Variants in PDGFC observed in about 807,000 individuals in gnomAD.
PDGFC encodes the protein platelet-derived growth factor C.
In PDGFC, 12 loss-of-function variants were observed where a neutral mutation model predicts 35.5. The ratio of observed to expected loss-of-function variants is 0.34; its 90% CI spans 0.22 to 0.55. The LOEUF (loss-of-function observed/expected upper bound fraction) is 0.55. Ranked by LOEUF, PDGFC falls within the 20% of genes least tolerant of loss-of-function variation. The pLI is 0.91. For synonymous variants in PDGFC, 159 were observed against 148.8 expected (o/e 1.07, Z -0.50); for missense variants, 322 against 412.4 (o/e 0.78, Z 1.90).
chr4:156,859,036 A>C (rs1316168576), intron 1 of PDGFC, among the ~76,000 whole-genome samples: 1 of 152,080 alleles, frequency 6.6e-6, no homozygotes, highest in Admixed American at 6.6e-5. Context: ...AGTAACAACA[A>C]AAAGATAACC....
At chr4:156,891,399 G>GT (rs1024410791) in intron 1 of PDGFC, among the ~76,000 whole-genome samples, 31 of 144,126 alleles carry the variant, frequency 2.2e-4, no homozygotes, top group African/African-American at 7.8e-4. Context: ...CCAAAATGTT[G>GT]TTTTGCAGCA....
intron 2 of PDGFC, among the ~76,000 whole-genome samples, chr4:156,824,433 C>T (rs1356795247): frequency 6.6e-6 from 1 of 150,956 alleles, no homozygotes; most frequent in Non-Finnish European, 1.5e-5. Flanking sequence ...TATATATACA[C>T]GTTTACCATA....
intron 2 of PDGFC, among the ~76,000 whole-genome samples, chr4:156,825,011 A>G (rs913077770): frequency 1.3e-5 from 2 of 152,220 alleles, no homozygotes; most frequent in African/African-American, 4.8e-5. Context: ...CAACTAAATC[A>G]CCGCATTATT....
intron 1 of PDGFC, among the ~76,000 whole-genome samples, chr4:156,953,969 T>G (rs896498363): frequency 6.6e-6 from 1 of 151,942 alleles, no homozygotes; most frequent in African/African-American, 2.4e-5. Flanking sequence ...TTAAGACAAT[T>G]CACTCTGCCT....
rs567453368 is a variant in PDGFC at position 156,766,910 on chromosome 4, G to A, written c.921+863C>T. On this transcript the variant is annotated intron_variant, in intron 5 of 5. Transcript: ENST00000502773. ...ATTTCACTGAAATCTTGATGCATAT[G>A]AAAAATCATTTTATTTATTAGTTAG... Among the ~76,000 whole-genome samples the A allele has an allele frequency of 2.0e-5, 3 of 152,146 alleles. No homozygotes were observed. In the East Asian group the frequency reaches 5.8e-4, roughly 29 times the overall value.
intron 2 of PDGFC, among the ~76,000 whole-genome samples, chr4:156,822,163 T>C (rs537337655): frequency 6.6e-6 from 1 of 151,714 alleles, no homozygotes; most frequent in Admixed American, 6.6e-5. Context: ...ATCGAGACCA[T>C]CCTGGCTAAC....
chr4:156,816,197 T>C (rs1177667918), intron 2 of PDGFC, among the ~76,000 whole-genome samples: 1 of 152,182 alleles, frequency 6.6e-6, no homozygotes, highest in Non-Finnish European at 1.5e-5. Context: ...GTCAATTAAA[T>C]CTACCCTATG....
chr4:156,950,204 A>T (rs906690929), intron 1 of PDGFC, among the ~76,000 whole-genome samples: 2 of 151,800 alleles, frequency 1.3e-5, no homozygotes, highest in South Asian at 4.2e-4. Context: ...TAGTACATAA[A>T]TTTTCCTTTT....
intron 3 of PDGFC, among the ~76,000 whole-genome samples, chr4:156,800,379 T>C (rs2110911989): frequency 6.6e-6 from 1 of 152,220 alleles, no homozygotes; most frequent in African/African-American, 2.4e-5. Context: ...TCAGAGGACA[T>C]AAAAATGGAA....
chr4:156,962,978 G>C (rs1732377579), intron 1 of PDGFC, among the ~76,000 whole-genome samples: 1 of 152,098 alleles, frequency 6.6e-6, no homozygotes, highest in African/African-American at 2.4e-5. Flanking sequence ...GATCATGCTG[G>C]TTTATCAGCA....
At chr4:156,926,717 G>C (rs773768278) in intron 1 of PDGFC, among the ~76,000 whole-genome samples, 6 of 152,174 alleles carry the variant, frequency 3.9e-5, no homozygotes, top group Admixed American at 6.5e-5. Flanking sequence ...TGTTTTACAG[G>C]GTACAGCCTC....
chr4:156,865,875 T>G (rs1729828283), intron 1 of PDGFC, among the ~76,000 whole-genome samples: 1 of 152,194 alleles, frequency 6.6e-6, no homozygotes, highest in South Asian at 2.1e-4. Flanking sequence ...AGATTTAATT[T>G]GATCCTCGTT....
intron 5 of PDGFC, among the ~76,000 whole-genome samples, chr4:156,764,283 C>T (rs1730458694): frequency 6.6e-6 from 1 of 152,200 alleles, no homozygotes; most frequent in South Asian, 2.1e-4. Flanking sequence ...GAATGCATAC[C>T]TCACTGGAGT....
intron 3 of PDGFC, among the ~76,000 whole-genome samples, chr4:156,774,049 C>A (rs1366823499): frequency 3.9e-5 from 6 of 152,174 alleles, no homozygotes; most frequent in Non-Finnish European, 5.9e-5. Flanking sequence ...TTCTATGCTG[C>A]ATAATCCTGG....
intron 1 of PDGFC, among the ~76,000 whole-genome samples, chr4:156,932,440 T>G (rs957739616): frequency 6.6e-6 from 1 of 152,094 alleles, no homozygotes; most frequent in Non-Finnish European, 1.5e-5. Context: ...TAAAGACACA[T>G]GCACACATGT....
At chr4:156,799,623 T>G (rs1221612388) in intron 3 of PDGFC, among the ~76,000 whole-genome samples, 2 of 152,204 alleles carry the variant, frequency 1.3e-5, no homozygotes, top group Non-Finnish European at 2.9e-5. Context: ...TAGCTAAATT[T>G]TAGCCTTACA....
At chr4:156,910,602 TA>T (rs1003966596) in intron 1 of PDGFC, among the ~76,000 whole-genome samples, 15 of 151,704 alleles carry the variant, frequency 9.9e-5, no homozygotes, top group African/African-American at 2.2e-4. Flanking sequence ...TGACTTTTAT[TA>T]AAAAAAAATT....
chr4:156,807,847 T>G (rs17814508), intron 3 of PDGFC, among the ~76,000 whole-genome samples: 4 of 152,062 alleles, frequency 2.6e-5, no homozygotes, highest in Non-Finnish European at 5.9e-5. Context: ...TTTTTCTGTA[T>G]AGTAATGCAT....
chr4:156,891,293 A>G (rs982512634), intron 1 of PDGFC, among the ~76,000 whole-genome samples: 1 of 49,626 alleles, frequency 2.0e-5, no homozygotes, highest in African/African-American at 2.1e-4. Context: ...AAAAAAAAAA[A>G]AAAAAAAAAA....
Sources: gnomAD v4.1 joint callset for allele counts (sites outside exome capture counted in the v4.1 genomes callset) on GRCh38, gnomAD v4.1.1 for gene constraint, MANE v1.5 for transcripts, NCBI Gene and HGNC (gene_info 2026-07-23, HGNC 2026-07-21) for gene names.